The following NDST4 variants were observed in gnomAD, a reference collection of about 807,000 sequenced individuals.
NDST4 encodes the protein N-heparan sulfate sulfotransferase 4.
Under a neutral mutation model 100.8 loss-of-function variants are expected in NDST4, and 63 were observed. The observed-to-expected ratio is 0.62, with a 90% CI of 0.51 to 0.77. The LOEUF is 0.77. Ranked by LOEUF, NDST4 falls within the 30% of genes least tolerant of loss-of-function variation. The pLI is 0.00. For synonymous variants in NDST4, 377 were observed against 361.8 expected (o/e 1.04, Z -0.48); for missense variants, 943 against 1,018.4 (o/e 0.93, Z 1.01).
chr4:114,848,253 C>G lies in NDST4; in HGVS notation c.1902G>C (p.Gln634His). Residue 634 changes from glutamine (Q) to histidine (H), a missense_variant, in exon 9 of 14, where the codon CAG becomes CAC. By Grantham distance (24) the Gln-to-His change is conservative. This residue lies in a region of NDST4 where 526 missense variants were observed against 634.1 expected (regional missense o/e 0.83). Coordinates refer to ENST00000264363, the MANE Select transcript of NDST4 (RefSeq NM_022569.3). ...LPSPKTFEEV[Q>H]FFNGNNYHKG... ...TGTGATAGTTGTTGCCATTAAAGAA[C>G]TGAACTTCCTCAAATGTCTTTGGAC... 1 of 1,610,522 alleles carries G rather than the reference C, an allele frequency of 6.2e-7. No homozygotes were observed.
At chr4:115,033,816 C>T (rs979219833) in intron 2 of NDST4, among the ~76,000 whole-genome samples, 2 of 152,052 alleles carry the variant, frequency 1.3e-5, no homozygotes, top group African/African-American at 4.8e-5. Flanking sequence ...AAACATACTT[C>T]TTAAAAGCTA....
At chr4:115,041,818 T>A (rs28433673) in intron 2 of NDST4, among the ~76,000 whole-genome samples, 2,866 of 152,148 alleles carry the variant, frequency 0.019, 92 homozygotes, top group African/African-American at 0.065. Flanking sequence ...CAGGAAAGAC[T>A]ATATCCCTCA....
intron 4 of NDST4, among the ~76,000 whole-genome samples, chr4:114,938,535 G>A (rs1256396796): frequency 6.6e-6 from 1 of 152,130 alleles, no homozygotes; most frequent in Non-Finnish European, 1.5e-5. Context: ...ATCAATTGAG[G>A]TTATAAATGA....
At chr4:114,971,040 A>C (rs1020387866) in intron 3 of NDST4, among the ~76,000 whole-genome samples, 3 of 152,054 alleles carry the variant, frequency 2.0e-5, no homozygotes, top group Admixed American at 1.3e-4. Flanking sequence ...AAAGCCCAAA[A>C]ACAAACACAA....
At chr4:114,855,753 C>CTGGGTCCATTG (rs1723779607) in intron 7 of NDST4, among the ~76,000 whole-genome samples, 1 of 152,104 alleles carries the variant, frequency 6.6e-6, no homozygotes, top group African/African-American at 2.4e-5. Flanking sequence ...TTTGGCTATT[C>CTGGGTCCATTG]TGGGTCCATT....
At chr4:115,105,650 G>A (rs867471296) in intron 1 of NDST4, among the ~76,000 whole-genome samples, 5 of 152,146 alleles carry the variant, frequency 3.3e-5, no homozygotes, top group Admixed American at 2.6e-4. Context: ...TATTTTCTAC[G>A]CAAGGCAGAA....
intron 1 of NDST4, among the ~76,000 whole-genome samples, chr4:115,113,147 A>G (rs1729988142): frequency 6.6e-6 from 1 of 151,932 alleles, no homozygotes. Context: ...ATCAAATAAG[A>G]TATTTCCTAT....
At chr4:114,892,933 C>T (rs1011101634) in intron 6 of NDST4, among the ~76,000 whole-genome samples, 21 of 151,878 alleles carry the variant, frequency 1.4e-4, no homozygotes, top group African/African-American at 5.1e-4. Context: ...TGTATTGTTC[C>T]CCTCTCTGTG....
chr4:114,873,076 CTTAAAT>C (rs1724184581), intron 6 of NDST4, among the ~76,000 whole-genome samples: 2 of 151,632 alleles, frequency 1.3e-5, no homozygotes, highest in South Asian at 4.2e-4. Flanking sequence ...TTTTGGAAAC[CTTAAAT>C]GAAAGCTTTT....
intron 8 of NDST4, among the ~76,000 whole-genome samples, chr4:114,848,666 G>A (rs1374968397): frequency 2.0e-5 from 3 of 152,208 alleles, no homozygotes; most frequent in South Asian, 4.1e-4. Flanking sequence ...AGCATGAAGG[G>A]CAAGGGTCCT....
At chr4:114,964,083 T>C (rs1375546736) in intron 4 of NDST4, among the ~76,000 whole-genome samples, 1 of 152,184 alleles carries the variant, frequency 6.6e-6, no homozygotes, top group Non-Finnish European at 1.5e-5. Context: ...AATCTGTCTC[T>C]TTTTCTCTTC....
rs189497531 is a variant in NDST4 at position 115,069,212 on chromosome 4, T to A, written c.978+6847A>T. On this transcript the variant is annotated intron_variant, in intron 2 of 13. Transcript: ENST00000264363. Reference sequence around the variant, plus strand: ...TAAGAAAAATAGGTCATGGTAGACATGAGATAGTCATAGTTGAAAACTATA... The same window carrying A: ...TAAGAAAAATAGGTCATGGTAGACAAGAGATAGTCATAGTTGAAAACTATA... Among the ~76,000 whole-genome samples the A allele has an allele frequency of 2.6e-5, 4 of 152,198 alleles. No homozygotes were observed. In the East Asian group the frequency reaches 7.7e-4, roughly 29 times the overall value.
At chr4:114,834,773 G>T (rs983953725) in intron 11 of NDST4, among the ~76,000 whole-genome samples, 3 of 152,148 alleles carry the variant, frequency 2.0e-5, no homozygotes, top group Non-Finnish European at 4.4e-5. Flanking sequence ...ATTAATTACT[G>T]CCTCAAATTT....
chr4:115,000,099 C>T (rs1727253693), intron 2 of NDST4, among the ~76,000 whole-genome samples: 1 of 150,936 alleles, frequency 6.6e-6, no homozygotes, highest in Non-Finnish European at 1.5e-5. Context: ...TTATACAAAC[C>T]TGTGTTTTGA....
At chr4:114,991,992 T>C (rs1578437264) in intron 2 of NDST4, among the ~76,000 whole-genome samples, 1 of 151,974 alleles carries the variant, frequency 6.6e-6, no homozygotes, top group Non-Finnish European at 1.5e-5. Context: ...ATAATCAGTA[T>C]ATCTTTTTCT....
chr4:114,876,403 G>A (rs950189743), intron 6 of NDST4, among the ~76,000 whole-genome samples: 1 of 152,078 alleles, frequency 6.6e-6, no homozygotes, highest in African/African-American at 2.4e-5. Context: ...CTTTGGCATT[G>A]TACTCACATT....
chr4:114,867,646 TAAAAAAAAAAAAAAAAAG>T (rs1300066081), intron 7 of NDST4, among the ~76,000 whole-genome samples: 10 of 26,778 alleles, frequency 3.7e-4, no homozygotes, highest in African/African-American at 8.4e-4. Flanking sequence ...ATGAGAATTA[TAAAAAAAAAAAAAAAAAG>T]CAAAAAAAAA....
At chr4:114,912,156 TC>T (rs1725075600) in intron 6 of NDST4, among the ~76,000 whole-genome samples, 1 of 152,206 alleles carries the variant, frequency 6.6e-6, no homozygotes, top group African/African-American at 2.4e-5. Flanking sequence ...CTAAGTTTTT[TC>T]AGGATTTCTT....
At chr4:114,841,518 G>A (rs934465251) in intron 10 of NDST4, among the ~76,000 whole-genome samples, 4 of 152,072 alleles carry the variant, frequency 2.6e-5, no homozygotes, top group Non-Finnish European at 4.4e-5. Flanking sequence ...AAAAGCAAGC[G>A]CAGAGAGGCA....
Sources: allele counts gnomAD v4.1 joint callset (sites outside exome capture counted in the v4.1 genomes callset), GRCh38; gene constraint gnomAD v4.1.1; regional missense constraint gnomAD v4.1.1; transcripts MANE v1.5; gene names NCBI Gene and HGNC (gene_info 2026-07-23, HGNC 2026-07-21).